CNTN1: variants seen among roughly 807,000 people sequenced by gnomAD.
CNTN1 encodes contactin 1.
CNTN1 carries 38 observed loss-of-function variants against 126.4 expected under a neutral mutation model. The ratio of observed to expected loss-of-function variants is 0.30; its 90% confidence interval spans 0.23 to 0.39. The LOEUF (loss-of-function observed/expected upper bound fraction) is 0.39, where lower values mean the gene tolerates loss of function less well. Among genes scored for constraint, CNTN1 ranks in the 10% least tolerant of loss-of-function variants. The pLI is 1.00. For missense variants in CNTN1, 1,009 were observed against 1,248.4 expected (o/e 0.81, Z 2.89); for synonymous variants, 413 against 422.6 (o/e 0.98, Z 0.28).
At chr12:40,777,020 C>T (rs1939611278) in intron 1 of CNTN1, among the ~76,000 whole-genome samples, 1 of 151,610 alleles carries the variant, frequency 6.6e-6, no homozygotes, top group African/African-American at 2.4e-5. Flanking sequence ...TGTCACACCT[C>T]TATAAAAATG....
intron 14 of CNTN1, among the ~76,000 whole-genome samples, chr12:40,954,710 G>A (rs1035405451): frequency 6.6e-6 from 1 of 152,050 alleles, no homozygotes; most frequent in African/African-American, 2.4e-5. Flanking sequence ...TTATATACAT[G>A]GGTACAGCTT....
intron 1 of CNTN1, among the ~76,000 whole-genome samples, chr12:40,850,353 A>G (rs1942673021): frequency 6.6e-6 from 1 of 152,158 alleles, no homozygotes; most frequent in African/African-American, 2.4e-5. Context: ...TTTTTCAGAT[A>G]TGAATTTGAA....
At chr12:41,017,603 G>A (rs998165161) in intron 19 of CNTN1, among the ~76,000 whole-genome samples, 15 of 151,784 alleles carry the variant, frequency 9.9e-5, no homozygotes, top group Non-Finnish European at 1.5e-4. Flanking sequence ...GTCCTGTAGG[G>A]CATTTAGGAA....
intron 1 of CNTN1, among the ~76,000 whole-genome samples, chr12:40,879,534 G>T (rs1943801612): frequency 6.6e-6 from 1 of 152,090 alleles, no homozygotes; most frequent in Non-Finnish European, 1.5e-5. Flanking sequence ...TGAGCCAAAT[G>T]ATGGGGATTA....
chr12:40,751,459 T>G (rs1044660965), intron 1 of CNTN1, among the ~76,000 whole-genome samples: 1 of 151,998 alleles, frequency 6.6e-6, no homozygotes, highest in African/African-American at 2.4e-5. Flanking sequence ...GTTCTTTCTT[T>G]TAGCCTGGAA....
At chr12:40,925,850 A>G (rs1436861199) in intron 6 of CNTN1, among the ~76,000 whole-genome samples, 4 of 97,742 alleles carry the variant, frequency 4.1e-5, no homozygotes, top group African/African-American at 1.4e-4. Context: ...GTGTGTATAT[A>G]TATATATATA....
At chr12:40,993,023 T>C (rs138460899) in intron 16 of CNTN1, 97 bp from the exon 17 acceptor site, 361 of 1,113,810 alleles carry the variant, frequency 3.2e-4, no homozygotes, top group Admixed American at 1.1e-3. Flanking sequence ...CAGTGTAATA[T>C]ATACCATTCT....
Position 40,939,316 on chromosome 12 carries a change from C to A in CNTN1, c.1229-19C>A, listed in dbSNP as rs1946185472. On this transcript the variant is annotated intron_variant, in intron 11 of 23. Transcript: ENST00000551295. ...TTTACAAACAGAAAGAGAAAGATAA[C>A]AATTTGTTTTCTTTTTAGCGTTGGC... 1.9e-6 allele frequency: 3 copies of A among 1,612,712 alleles called. No individual in the cohort carries two copies. The highest frequency in any genetic ancestry group is 1.1e-5 in the South Asian group (1 of 91,050).
At position 40,963,069 on chromosome 12, in the gene CNTN1, A is replaced by AC. The variant is rs375264064; in HGVS notation, c.1804+3837dup. On this transcript the variant is annotated intron_variant, in intron 15 of 23. Transcript: ENST00000551295. Reference sequence around the variant, plus strand: ...TCTACTCTGAAATAGGACACCTTCAACCAGCCCCCTAAGGATTCTAACAAA... The same window carrying AC: ...TCTACTCTGAAATAGGACACCTTCAACCCAGCCCCCTAAGGATTCTAACAAA... 2.4e-3 allele frequency among the ~76,000 whole-genome samples: 368 copies of AC among 152,242 alleles called. 1 individual carries two copies. The highest frequency in any genetic ancestry group is 8.5e-3 in the African/African-American group (355 of 41,568).
intron 16 of CNTN1, among the ~76,000 whole-genome samples, chr12:40,985,131 G>A (rs1172703517): frequency 6.6e-6 from 1 of 151,810 alleles, no homozygotes; most frequent in Non-Finnish European, 1.5e-5. Context: ...TTTGCCTTTG[G>A]TTTTAAAATA....
At chr12:40,830,100 T>C (rs980733299) in intron 1 of CNTN1, among the ~76,000 whole-genome samples, 3 of 152,152 alleles carry the variant, frequency 2.0e-5, no homozygotes, top group African/African-American at 7.2e-5. Context: ...CTTGTACTTA[T>C]CTAAACCTCT....
intron 15 of CNTN1, chr12:40,979,132 A>T (rs1452596602): frequency 2.0e-5 from 3 of 152,178 alleles, no homozygotes; most frequent in Non-Finnish European, 4.4e-5. Flanking sequence ...TCTATTTTCA[A>T]TTATTTAACA....
chr12:40,792,306 G>T (rs2136467283), intron 1 of CNTN1, among the ~76,000 whole-genome samples: 1 of 151,940 alleles, frequency 6.6e-6, no homozygotes, highest in East Asian at 1.9e-4. Flanking sequence ...TGTTGACAGT[G>T]GTAAAATGAG....
At chr12:40,801,295 G>C (rs981306794) in intron 1 of CNTN1, among the ~76,000 whole-genome samples, 47 of 151,882 alleles carry the variant, frequency 3.1e-4, no homozygotes, top group African/African-American at 1.1e-3. Context: ...GTATCATTTG[G>C]TAACATCTAT....
intron 1 of CNTN1, among the ~76,000 whole-genome samples, chr12:40,907,665 C>T (rs946575253): frequency 2.6e-5 from 4 of 152,202 alleles, no homozygotes; most frequent in Non-Finnish European, 2.9e-5. Flanking sequence ...AAAGAAGGCT[C>T]TCCAAATGGA....
At chr12:40,781,345 G>A (rs995581022) in intron 1 of CNTN1, among the ~76,000 whole-genome samples, 2 of 151,950 alleles carry the variant, frequency 1.3e-5, no homozygotes, top group African/African-American at 4.8e-5. Context: ...TTGGGTCTCT[G>A]TCTCTTTGGA....
intron 23 of CNTN1, among the ~76,000 whole-genome samples, chr12:41,031,064 C>T (rs1487646207): frequency 6.6e-6 from 1 of 152,178 alleles, no homozygotes; most frequent in Non-Finnish European, 1.5e-5. Context: ...AGCTTTTGCT[C>T]TCTGTACTCA....
chr12:41,034,882 T>C lies in CNTN1; in HGVS notation c.2980+5663T>C, dbSNP rs115766601. ...TTGTGTGAGTCTCTAAATTCAACTT[T>C]GGGAGGCAACTCATAGCCTTGATGA... On this transcript the variant is annotated intron_variant, in intron 23 of 23. Transcript: ENST00000551295. Among the ~76,000 whole-genome samples, 600 of 152,320 alleles carry C rather than the reference T, an allele frequency of 3.9e-3. 7 individuals are homozygous for C. Among genetic ancestry groups the C allele is most frequent in the African/African-American group, 0.014 (578 of 41,572 alleles).
chr12:40,948,707 T>C (rs1405246247), intron 14 of CNTN1, among the ~76,000 whole-genome samples: 1 of 152,222 alleles, frequency 6.6e-6, no homozygotes, highest in Non-Finnish European at 1.5e-5. Flanking sequence ...ATTTAAATAA[T>C]TCTCCCATAA....
Sources: gnomAD v4.1 joint callset for allele counts (sites outside exome capture counted in the v4.1 genomes callset) on GRCh38, gnomAD v4.1.1 for gene constraint, MANE v1.5 for transcripts, NCBI Gene and HGNC (gene_info 2026-07-23, HGNC 2026-07-21) for gene names.